Variants in SIRT1 observed in about 807,000 individuals in gnomAD.
The protein encoded by SIRT1 is NAD-dependent protein deacetylase sirtuin-1.
SIRT1 carries 24 observed loss-of-function variants against 67.9 expected under a neutral mutation model. The ratio of observed to expected loss-of-function variants is 0.35; its 90% confidence interval spans 0.26 to 0.50. The LOEUF (loss-of-function observed/expected upper bound fraction) is 0.50, where lower values mean the gene tolerates loss of function less well. Among genes scored for constraint, SIRT1 ranks in the 20% least tolerant of loss-of-function variants. The pLI, the probability that SIRT1 is intolerant of heterozygous loss-of-function variation, is 0.98. For synonymous variants in SIRT1, 378 were observed against 350.7 expected, an observed-to-expected ratio of 1.08 and a Z score of -0.87; for missense variants, 873 against 937.2, an observed-to-expected ratio of 0.93 and a Z score of 0.89.
At chr10:67,902,570 T>TG (rs1406689295) in intron 4 of SIRT1, among the ~76,000 whole-genome samples, 1 of 152,214 alleles carries the variant, frequency 6.6e-6, no homozygotes, top group Non-Finnish European at 1.5e-5. Flanking sequence ...GTTGAGCAGT[T>TG]TATTCAAGTG....
In SIRT1 at chr10:67,916,851, A is replaced by G. The variant is rs1010796388; in HGVS notation, c.*258A>G. 3.4e-5 allele frequency: 7 copies of G among 203,020 alleles called. No homozygotes were observed. The highest frequency in any genetic ancestry group is 6.7e-5 in the East Asian group (1 of 14,922). 12.6% of individuals were successfully genotyped at this position (203,020 alleles called of 1,614,324 possible). On this transcript the variant is annotated 3_prime_UTR_variant, in exon 9 of 9. Transcript: ENST00000212015. Reference sequence around the variant, plus strand: ...CTTCAATCAGCTGTTGGTCAAGACTAACTTTCTTTTAAAGGTTCATTTGTA... The same window carrying G: ...CTTCAATCAGCTGTTGGTCAAGACTGACTTTCTTTTAAAGGTTCATTTGTA...
intron 4 of SIRT1, among the ~76,000 whole-genome samples, chr10:67,895,390 ATAAG>A (rs1333261820): frequency 6.6e-6 from 1 of 151,644 alleles, no homozygotes; most frequent in Non-Finnish European, 1.5e-5. Flanking sequence ...TTAAGGAGAA[ATAAG>A]TAAGGACAAA....
At chr10:67,901,298 AT>A (rs894543230) in intron 4 of SIRT1, among the ~76,000 whole-genome samples, 4 of 150,582 alleles carry the variant, frequency 2.7e-5, no homozygotes, top group Non-Finnish European at 3.0e-5. Context: ...ATGCCCGGCT[AT>A]TTTTTTTTGT....
intron 4 of SIRT1, chr10:67,906,079 C>T (rs1291846310): frequency 8.8e-7 from 1 of 1,140,750 alleles, no homozygotes; most frequent in African/African-American, 1.6e-5. Context: ...AATAAAAACA[C>T]TGTCAAAAGT....
chr10:67,885,432 G>T, intron 1 of SIRT1: 6 of 1,210,156 alleles, frequency 5.0e-6, no homozygotes, highest in Non-Finnish European at 6.2e-6. Context: ...TTTAAAATAA[G>T]TTTCTCTCCC....
intron 7 of SIRT1, among the ~76,000 whole-genome samples, chr10:67,911,952 TG>T (rs1243832270): frequency 3.3e-5 from 5 of 152,010 alleles, no homozygotes; most frequent in Non-Finnish European, 5.9e-5. Context: ...TTAGTAGAGA[TG>T]GGGTTTCACC....
rs1376360890 is a variant in SIRT1, at chr10:67,892,238, T to C, written c.942+684T>C. ...ATGGAAAAAATACTTAAAATTAATTTTGAATTCTTTTGAAATACTTTTGAT... is the reference window on the plus strand; with the variant it reads ...ATGGAAAAAATACTTAAAATTAATTCTGAATTCTTTTGAAATACTTTTGAT... On this transcript the variant is annotated intron_variant, in intron 4 of 8. Transcript: ENST00000212015. Among the ~76,000 whole-genome samples, 4 of 152,316 alleles carry C rather than the reference T, an allele frequency of 2.6e-5. No homozygotes were observed. In the South Asian group the frequency reaches 6.2e-4, roughly 24 times the overall value.
chr10:67,897,835 A>G (rs1296467532), intron 4 of SIRT1, among the ~76,000 whole-genome samples: 4 of 151,804 alleles, frequency 2.6e-5, no homozygotes, highest in African/African-American at 7.3e-5. Flanking sequence ...ACTTAAATTG[A>G]TAATAAGTTG....
At chr10:67,915,918 G>C (rs1243346166) in intron 8 of SIRT1, among the ~76,000 whole-genome samples, 1 of 152,154 alleles carries the variant, frequency 6.6e-6, no homozygotes, top group African/African-American at 2.4e-5. Flanking sequence ...GAGGCACAGA[G>C]GTACACTTAC....
intron 1 of SIRT1, among the ~76,000 whole-genome samples, chr10:67,886,123 A>G (rs2131844165): frequency 6.6e-6 from 1 of 151,554 alleles, no homozygotes; most frequent in Non-Finnish European, 1.5e-5. Context: ...TTGTGTTTTT[A>G]GCAGAGACGG....
intron 4 of SIRT1, among the ~76,000 whole-genome samples, chr10:67,903,458 C>T (rs966038738): frequency 1.2e-4 from 18 of 151,294 alleles, no homozygotes; most frequent in African/African-American, 3.4e-4. Context: ...GATCTAGGCT[C>T]ACTACAAGCT....
rs890101241 is a variant in SIRT1 at position 67,885,084 on chromosome 10, C to CGACGAA, written c.369_374dup (p.Glu123_Asp124dup). The stretch of plus-strand genomic sequence containing the variant: ...AGCCACCGCTGGCCGACAACTTGTA[C>CGACGAA]GACGAAGACGACGACGACGAGGGCG... On this transcript the variant is annotated inframe_insertion, in exon 1 of 9. Transcript: ENST00000212015. 2 of 1,445,516 alleles carry CGACGAA rather than the reference C, an allele frequency of 1.4e-6. No individual in the cohort carries two copies. Among genetic ancestry groups the CGACGAA allele is most frequent in the East Asian group, 3.0e-5 (1 of 33,030 alleles). The allele number at this position is 1,445,516 out of a possible 1,614,324, so 89.5% of individuals were successfully genotyped here. A position where few individuals can be genotyped will look rare whatever the true frequency, so the allele number is the denominator to read the frequency against.
At chr10:67,888,231 G>A (rs911738) in intron 2 of SIRT1, among the ~76,000 whole-genome samples, 147,029 of 152,290 alleles carry the variant, frequency 0.97, 71,172 homozygotes, top group East Asian at 1. Flanking sequence ...GGATCTTTTT[G>A]TGTTCTCACT....
At chr10:67,900,345 A>G (rs978137928) in intron 4 of SIRT1, among the ~76,000 whole-genome samples, 2 of 151,998 alleles carry the variant, frequency 1.3e-5, no homozygotes, top group East Asian at 1.9e-4. Context: ...GGGTTTCACC[A>G]TGTTTGCCAG....
At chr10:67,898,259 AAAAAAAAAAAAAAAG>A (rs1334735837) in intron 4 of SIRT1, among the ~76,000 whole-genome samples, 2 of 115,352 alleles carry the variant, frequency 1.7e-5, no homozygotes, top group Non-Finnish European at 3.2e-5. Context: ...ACTCTGTCTC[AAAAAAAAAAAAAAAG>A]AAAAGAAAAA....
intron 4 of SIRT1, among the ~76,000 whole-genome samples, chr10:67,895,542 CAGAA>C (rs540686710): frequency 4.6e-4 from 70 of 151,936 alleles, no homozygotes; most frequent in African/African-American, 1.3e-3. Flanking sequence ...GTGTACTAGG[CAGAA>C]AGTTCACTAA....
At chr10:67,892,683 C>T (rs950255799) in intron 4 of SIRT1, among the ~76,000 whole-genome samples, 1 of 151,854 alleles carries the variant, frequency 6.6e-6, no homozygotes, top group Admixed American at 6.6e-5. Flanking sequence ...CTCATAGCAA[C>T]CTCTGCCTCC....
At position 67,912,713 on chromosome 10, in the gene SIRT1, C is replaced by A; in HGVS notation, c.1597C>A (p.His533Asn). 6.2e-7 allele frequency: 1 copy of A among 1,614,124 alleles called. No homozygotes were observed. Among genetic ancestry groups the A allele is most frequent in the African/African-American group, 1.3e-5 (1 of 75,042 alleles). ...GTCAGAGTTGCCACCCACACCTCTT[C>A]ATGTTTCAGAAGACTCAAGTTCACC... ...YLSELPPTPL[H>N]VSEDSSSPER... Residue 533 changes from histidine (H) to asparagine (N), a missense_variant, in exon 8 of 9, where the codon CAT becomes AAT. Coordinates refer to ENST00000212015, the MANE Select transcript of SIRT1 (RefSeq NM_012238.5).
In SIRT1 at chr10:67,885,158, A is replaced by C; in HGVS notation, c.430+7A>C. ...GCGGCGATTGGGTACCGAGGTGCGC[A>C]GGGTGCGGGCGGCCGGAACTGCGCA... is the stretch of plus-strand genomic sequence containing the variant. On this transcript the variant is annotated splice_region_variant and intron_variant, in intron 1 of 8. Transcript: ENST00000212015. 1 of 1,385,936 alleles carries C rather than the reference A, an allele frequency of 7.2e-7. No individual in the cohort carries two copies. The highest frequency in any genetic ancestry group is 9.4e-7 in the Non-Finnish European group (1 of 1,061,790). 85.9% of individuals were successfully genotyped at this position (1,385,936 alleles called of 1,614,324 possible).
Sources: allele counts gnomAD v4.1 joint callset (sites outside exome capture counted in the v4.1 genomes callset), GRCh38; gene constraint gnomAD v4.1.1; transcripts MANE v1.5; gene names NCBI Gene and HGNC (gene_info 2026-07-23, HGNC 2026-07-21).